MYO16: variants seen among roughly 807,000 people sequenced by gnomAD.
The protein encoded by MYO16 is unconventional myosin-XVI.
In MYO16, 94 loss-of-function variants were observed where a neutral mutation model predicts 205.3. That is an observed-to-expected ratio of 0.46 (90% confidence interval 0.39 to 0.54). The LOEUF (loss-of-function observed/expected upper bound fraction) is 0.54. Ranked by LOEUF, MYO16 falls within the 20% of genes least tolerant of loss-of-function variation. The pLI is 0.00. For missense variants in MYO16, 2,315 were observed against 2,387.5 expected (o/e 0.97, Z 0.63); for synonymous variants, 988 against 954.0 (o/e 1.04, Z -0.66).
At chr13:108,726,318 T>C (rs1026842517) in intron 3 of MYO16, among the ~76,000 whole-genome samples, 1 of 152,068 alleles carries the variant, frequency 6.6e-6, no homozygotes, top group African/African-American at 2.4e-5. Flanking sequence ...CCCAGCACTT[T>C]GGGAGGCCGA....
the MYO16 span, among the ~76,000 whole-genome samples, chr13:108,567,813 C>A: frequency 6.6e-6 from 1 of 152,096 alleles, no homozygotes; most frequent in Non-Finnish European, 1.5e-5. Context: ...TACCCACCCC[C>A]CTGAAAAAAC....
chr13:109,206,541 TATCAC>T, intron 34 of MYO16, 63 bp from the exon 35 acceptor site: 1 of 1,069,324 alleles, frequency 9.4e-7, no homozygotes, highest in Non-Finnish European at 1.4e-6. Context: ...CAGGTGTTGC[TATCAC>T]ACTTCATACT....
At chr13:108,852,653 T>C (rs891443328) in intron 10 of MYO16, among the ~76,000 whole-genome samples, 6 of 152,072 alleles carry the variant, frequency 3.9e-5, no homozygotes, top group African/African-American at 1.4e-4. Flanking sequence ...CCCTCCACAC[T>C]CACCCGCATC....
chr13:109,155,545 T>C (rs561956535), intron 32 of MYO16, among the ~76,000 whole-genome samples: 4 of 152,202 alleles, frequency 2.6e-5, no homozygotes, highest in Non-Finnish European at 5.9e-5. Context: ...TAATCAATGC[T>C]TATAGAAATA....
the MYO16 span, among the ~76,000 whole-genome samples, chr13:108,507,243 T>C: frequency 6.6e-6 from 1 of 152,160 alleles, no homozygotes; most frequent in South Asian, 2.1e-4. Flanking sequence ...GGCTTTCGTA[T>C]TGCTATCTAA....
intron 27 of MYO16, among the ~76,000 whole-genome samples, chr13:109,099,119 T>G (rs1288406599): frequency 2.6e-5 from 4 of 152,176 alleles, no homozygotes; most frequent in Admixed American, 2.0e-4. Context: ...GGCTCTCGTC[T>G]CTTTAGCAAA....
rs7987129 is a variant in MYO16, at chr13:109,141,580, A to C, written c.5164+204A>C. ...AGGAATTAATATTTCCATATTGCAGAATATGATAGGAAAGGCTCGTGATAT... is the reference window on the plus strand; with the variant it reads ...AGGAATTAATATTTCCATATTGCAGCATATGATAGGAAAGGCTCGTGATAT... On this transcript the variant is annotated intron_variant, in intron 32 of 34. Transcript: ENST00000457511. This position sits in a 1 kb window ranked among gnomAD's most constrained non-coding sequence, Gnocchi z 4.1. 0.014 allele frequency among the ~76,000 whole-genome samples: 2,149 copies of C among 152,336 alleles called. 52 individuals carry two copies. The highest frequency in any genetic ancestry group is 0.048 in the African/African-American group (1,976 of 41,554).
At chr13:109,158,564 T>C (rs1878195773) in intron 32 of MYO16, among the ~76,000 whole-genome samples, 1 of 152,200 alleles carries the variant, frequency 6.6e-6, no homozygotes, top group South Asian at 2.1e-4. Flanking sequence ...GTTGCCTTTG[T>C]AGTCTCATCC....
chr13:108,785,287 C>T (rs973840394), intron 4 of MYO16, among the ~76,000 whole-genome samples: 2 of 152,096 alleles, frequency 1.3e-5, no homozygotes, highest in Non-Finnish European at 2.9e-5. Flanking sequence ...AGGCATCAGA[C>T]ACCTCTATTA....
chr13:108,730,830 A>T (rs1190655175), intron 4 of MYO16, among the ~76,000 whole-genome samples: 2 of 152,222 alleles, frequency 1.3e-5, no homozygotes, highest in Admixed American at 1.3e-4. Flanking sequence ...TAAGTTCATT[A>T]GGATGTGGAG....
intron 1 of MYO16, among the ~76,000 whole-genome samples, chr13:108,615,563 A>G (rs374667615): frequency 6.6e-6 from 1 of 152,146 alleles, no homozygotes; most frequent in Non-Finnish European, 1.5e-5. Context: ...GTGTCCATCT[A>G]CTGAAAGAAA....
At chr13:108,803,773 C>A (rs1887033419) in intron 6 of MYO16, among the ~76,000 whole-genome samples, 1 of 152,074 alleles carries the variant, frequency 6.6e-6, no homozygotes, top group Non-Finnish European at 1.5e-5. Flanking sequence ...CAATATGCCA[C>A]ATTTACCAAA....
At chr13:108,620,460 G>A (rs1413994646) in intron 1 of MYO16, among the ~76,000 whole-genome samples, 1 of 152,164 alleles carries the variant, frequency 6.6e-6, no homozygotes, top group Non-Finnish European at 1.5e-5. Flanking sequence ...TCATGTTACT[G>A]TTTTCAGGCA....
intron 21 of MYO16, among the ~76,000 whole-genome samples, chr13:109,002,595 C>T (rs1885254190): frequency 2.0e-5 from 3 of 152,288 alleles, no homozygotes; most frequent in South Asian, 2.1e-4. Context: ...CCCACATTCA[C>T]GTCTACTCTG....
intron 16 of MYO16, 47 bp from the exon 17 acceptor site, chr13:108,957,641 C>T (rs761836534): frequency 7.4e-7 from 1 of 1,355,592 alleles, no homozygotes; most frequent in South Asian, 1.2e-5. Context: ...CCACAGAAGT[C>T]TGACCGGAAG....
chr13:108,941,512 A>G (rs1255349632), intron 16 of MYO16, among the ~76,000 whole-genome samples: 1 of 151,984 alleles, frequency 6.6e-6, no homozygotes, highest in Non-Finnish European at 1.5e-5. Context: ...CCCCGTGTCT[A>G]CTAAAAATAC....
At chr13:109,001,819 G>C (rs277811) in intron 21 of MYO16, among the ~76,000 whole-genome samples, 148,926 of 152,244 alleles carry the variant, frequency 0.98, 72,905 homozygotes, top group East Asian at 1. Context: ...CTTCTGCTTA[G>C]GTAGGGTTTT....
chr13:108,719,384 A>C (rs1311588709), intron 3 of MYO16, among the ~76,000 whole-genome samples: 1 of 152,120 alleles, frequency 6.6e-6, no homozygotes, highest in African/African-American at 2.4e-5. Context: ...TAGATGTACC[A>C]AACTGCTTAT....
intron 33 of MYO16, among the ~76,000 whole-genome samples, chr13:109,171,121 A>C (rs1878906497): frequency 6.6e-6 from 1 of 152,224 alleles, no homozygotes; most frequent in African/African-American, 2.4e-5. Context: ...AATACCCTTT[A>C]TACTTAGGCC....
Sources: gnomAD v4.1 joint callset for allele counts (sites outside exome capture counted in the v4.1 genomes callset) on GRCh38, gnomAD v4.1.1 for gene constraint, Gnocchi (gnomAD v3.1) non-coding constraint, MANE v1.5 for transcripts, NCBI Gene and HGNC (gene_info 2026-07-23, HGNC 2026-07-21) for gene names.